MYCBP2: variants seen among roughly 807,000 people sequenced by gnomAD.
MYCBP2 encodes the protein E3 ubiquitin-protein ligase MYCBP2.
Under a neutral mutation model 525.3 loss-of-function variants are expected in MYCBP2, and 120 were observed. That is an observed-to-expected ratio of 0.23 (90% CI 0.20 to 0.27). MYCBP2 has a LOEUF of 0.27. Among genes scored for constraint, MYCBP2 ranks in the 10% least tolerant of loss-of-function variants. The probability of loss-of-function intolerance (pLI) is 1.00; values close to 1 mark genes in which losing one functional copy is unlikely to be tolerated. For synonymous variants in MYCBP2, 1,894 were observed against 1,955.8 expected (o/e 0.97, Z 0.83); for missense variants, 4,149 against 5,657.1 (o/e 0.73, Z 8.55).
rs1566368754 is a variant in MYCBP2 at position 77,068,726 on chromosome 13, C to T, written c.12010G>A (p.Asp4004Asn). The change falls in exon 70 of 83, where the codon GAT becomes AAT. Residue 4004 changes from aspartate to asparagine, a missense_variant. Physicochemically the swap from Asp to Asn is conservative, Grantham distance 23. Coordinates refer to ENST00000544440, the MANE Select transcript of MYCBP2 (RefSeq NM_015057.5). ...TAGGCATCAGAGGAGGCATCTTCAT[C>T]ATTTGGCTGAGAATTGGCATTTTCT... ...SKENANSQPN[D>N]EDASSDAYCF... 6.2e-7 allele frequency: 1 copy of T among 1,614,182 alleles called. No homozygotes were observed. Among genetic ancestry groups the T allele is most frequent in the Non-Finnish European group, 8.5e-7 (1 of 1,180,034 alleles).
intron 68 of MYCBP2, chr13:77,075,794 T>G (rs1049077574): frequency 3.9e-5 from 6 of 152,194 alleles, no homozygotes; most frequent in Admixed American, 3.9e-4. Context: ...TTCAATTGAC[T>G]TAACAGGTAG....
chr13:77,191,555 C>T (rs1258913704), intron 28 of MYCBP2, 124 bp downstream of exon 28: 18 of 1,105,496 alleles, frequency 1.6e-5, no homozygotes, highest in Admixed American at 2.9e-5. Context: ...TAATTTTTAG[C>T]AGTTATATTA....
rs1338262709 is a variant in MYCBP2 at position 77,294,119 on chromosome 13, TATATATATATAC to T, written c.378+2468_378+2479del. On this transcript the variant is annotated intron_variant, in intron 2 of 82. Transcript: ENST00000544440. ...GATATAATGGCTATATATATATATA[TATATATATATAC>T]ATATATATATACATATATATAAAAT... Among the ~76,000 whole-genome samples, 92 of 64,144 alleles carry T rather than the reference TATATATATATAC, an allele frequency of 1.4e-3. 3 individuals carry two copies. Among genetic ancestry groups the T allele is most frequent in the African/African-American group, 2.4e-3 (58 of 24,444 alleles). The allele number at this position is 64,144 out of a possible 152,430, so 42.1% of individuals were successfully genotyped here.
intron 23 of MYCBP2, among the ~76,000 whole-genome samples, chr13:77,210,154 T>G (rs1192958306): frequency 1.3e-5 from 2 of 151,978 alleles, no homozygotes; most frequent in African/African-American, 4.8e-5. Flanking sequence ...CTAAGAAGGG[T>G]AACTTATTTA....
intron 1 of MYCBP2, among the ~76,000 whole-genome samples, chr13:77,314,535 T>C (rs2080689927): frequency 6.6e-6 from 1 of 152,216 alleles, no homozygotes; most frequent in African/African-American, 2.4e-5. Context: ...ACATACTGTA[T>C]GATTTCAACT....
chr13:77,065,759 G>T (rs1464116761), intron 72 of MYCBP2, among the ~76,000 whole-genome samples: 2 of 152,046 alleles, frequency 1.3e-5, no homozygotes, highest in African/African-American at 4.8e-5. Flanking sequence ...AGATTTTAAA[G>T]TCACGTAACA....
intron 2 of MYCBP2, among the ~76,000 whole-genome samples, chr13:77,291,288 C>T (rs2077440862): frequency 6.6e-6 from 1 of 152,160 alleles, no homozygotes; most frequent in South Asian, 2.1e-4. Context: ...GATTTCACAT[C>T]ATTAGTCATT....
At chr13:77,069,692 TAAAAAA>T (rs752290620) in intron 69 of MYCBP2, among the ~76,000 whole-genome samples, 4 of 70,350 alleles carry the variant, frequency 5.7e-5, no homozygotes, top group African/African-American at 1.1e-4. Flanking sequence ...CCGTCTGTAC[TAAAAAA>T]AAAAAAAAAA....
intron 26 of MYCBP2, among the ~76,000 whole-genome samples, chr13:77,201,980 G>T (rs1242033867): frequency 6.6e-6 from 1 of 152,002 alleles, no homozygotes; most frequent in Non-Finnish European, 1.5e-5. Context: ...CATAATTAAA[G>T]GAACTAGAAA....
In MYCBP2 at chr13:77,144,482, G is replaced by C. The variant is rs200250987; in HGVS notation, c.7266C>G (p.Leu2422=). The change falls in exon 49 of 83, where the codon CTC becomes CTG. Residue 2422 remains leucine (L), a synonymous_variant. Coordinates refer to ENST00000544440, the MANE Select transcript of MYCBP2 (RefSeq NM_015057.5). ...CANWTPGAIG[L]YTLHVTIDGI... The stretch of plus-strand genomic sequence containing the variant: ...CATCAATGGTAACATGAAGAGTGTA[G>C]AGTCCAATAGCCCCTGGAGTCCAAT... 2.5e-6 allele frequency: 4 copies of C among 1,613,690 alleles called. No homozygotes were observed. Among genetic ancestry groups the C allele is most frequent in the Non-Finnish European group, 3.4e-6 (4 of 1,179,674 alleles).
rs1594943638 is a variant in MYCBP2 at position 77,326,521 on chromosome 13, G to A, written c.255C>T (p.Leu85=). 3 of 1,599,264 alleles carry A rather than the reference G, an allele frequency of 1.9e-6. No homozygotes were observed. The highest frequency in any genetic ancestry group is 1.7e-6 in the Non-Finnish European group (2 of 1,173,222). ...TGCCGCCCCCCTGGTCCCTGTCATT[G>A]AGCGCAGCGGTATAAATCCTCCGGT... ...DRYRRIYTAA[L]NDRDQGGGSA... is the part of the protein sequence containing the mutation. The change falls in exon 1 of 83, where the codon CTC becomes CTT. Residue 85 remains leucine (L), a synonymous_variant. Transcript: ENST00000544440. This position sits in a 1 kb window ranked among gnomAD's most constrained non-coding sequence, Gnocchi z 4.2.
In MYCBP2 at chr13:77,067,743, C is replaced by G; in HGVS notation, c.12293G>C (p.Gly4098Ala). 2 of 1,614,124 alleles carry G rather than the reference C, an allele frequency of 1.2e-6. No homozygotes were observed. Among genetic ancestry groups the G allele is most frequent in the Non-Finnish European group, 1.7e-6 (2 of 1,180,030 alleles). Residue 4098 changes from glycine to alanine, a missense_variant, in exon 71 of 83, where the codon GGA becomes GCA. Physicochemically the swap from Gly to Ala is moderately conservative, Grantham distance 60. Transcript: ENST00000544440. ...ISDIIHSTEKGDWNKLGILDM... is the reference protein window; with the variant it reads ...ISDIIHSTEKADWNKLGILDM... ...CAAGATACCCAGCTTATTCCAGTCT[C>G]CTTTCTCTGTTGAGTGAATGATATC...
intron 36 of MYCBP2, among the ~76,000 whole-genome samples, chr13:77,175,962 A>AAAT (rs1182200925): frequency 4.0e-5 from 6 of 151,658 alleles, no homozygotes; most frequent in African/African-American, 1.2e-4. Context: ...ATCTAAAAAA[A>AAAT]AATAATAATA....
chr13:77,317,204 G>A (rs540145844), intron 1 of MYCBP2, among the ~76,000 whole-genome samples: 13 of 152,142 alleles, frequency 8.5e-5, no homozygotes, highest in Admixed American at 5.2e-4. Context: ...CACTCATCTC[G>A]GCCTCCCAAA....
At chr13:77,067,995 A>T in intron 70 of MYCBP2, 131 bp from the exon 71 acceptor site, 5 of 819,196 alleles carry the variant, frequency 6.1e-6, no homozygotes, top group Non-Finnish European at 9.3e-6. Context: ...TGGAGCAACC[A>T]CAGCTCACTG....
chr13:77,133,705 A>G (rs2053286475), intron 52 of MYCBP2, among the ~76,000 whole-genome samples: 1 of 152,184 alleles, frequency 6.6e-6, no homozygotes, highest in Admixed American at 6.5e-5. Context: ...TGCTTTACCT[A>G]TATCAACTAT....
At chr13:77,195,075 T>C (rs1444598765) in intron 26 of MYCBP2, among the ~76,000 whole-genome samples, 1 of 151,984 alleles carries the variant, frequency 6.6e-6, no homozygotes, top group Non-Finnish European at 1.5e-5. Flanking sequence ...GGAAGGTGAA[T>C]TGCAAGAGAG....
In MYCBP2 at chr13:77,056,979, T is replaced by G. The variant is rs781259389; in HGVS notation, c.13437+7A>C. 9 of 1,584,004 alleles carry G rather than the reference T, an allele frequency of 5.7e-6. No homozygotes were observed. In the South Asian group the frequency reaches 8.9e-5, roughly 16 times the overall value. On this transcript the variant is annotated splice_region_variant and intron_variant, in intron 79 of 82. Transcript: ENST00000544440. Reference sequence around the variant, plus strand: ...AGAAAGTACATGATTTCAGATTCTTTCCATACCTTGCAAATGGGACAAGAT... The same window carrying G: ...AGAAAGTACATGATTTCAGATTCTTGCCATACCTTGCAAATGGGACAAGAT...
intron 28 of MYCBP2, among the ~76,000 whole-genome samples, chr13:77,191,416 T>A (rs187803860): frequency 6.6e-6 from 1 of 152,336 alleles, no homozygotes; most frequent in East Asian, 1.9e-4. Flanking sequence ...TCTAATTTGG[T>A]AATCAAGCTC....
Sources: allele counts gnomAD v4.1 joint callset (sites outside exome capture counted in the v4.1 genomes callset), GRCh38; gene constraint gnomAD v4.1.1; non-coding constraint Gnocchi (gnomAD v3.1); transcripts MANE v1.5; gene names NCBI Gene and HGNC (gene_info 2026-07-23, HGNC 2026-07-21).